The following ERC1 variants were observed in gnomAD, a reference collection of about 807,000 sequenced individuals.
ERC1 encodes the protein RAB6 interacting protein 2.
Under a neutral mutation model 132.0 loss-of-function variants are expected in ERC1, and 56 were observed. The ratio of observed to expected loss-of-function variants is 0.42; its 90% CI spans 0.34 to 0.53. The LOEUF (loss-of-function observed/expected upper bound fraction) is 0.53, where lower values mean the gene tolerates loss of function less well. Among genes scored for constraint, ERC1 ranks in the 20% least tolerant of loss-of-function variants. The pLI, the probability that ERC1 is intolerant of heterozygous loss-of-function variation, is 0.03. For missense variants in ERC1, 1,202 were observed against 1,349.9 expected, an observed-to-expected ratio of 0.89 and a Z score of 1.72; for synonymous variants, 478 against 476.1, an observed-to-expected ratio of 1.00 and a Z score of -0.05.
At chr12:1,002,717 T>C (rs1962642712) in intron 1 of ERC1, among the ~76,000 whole-genome samples, 1 of 152,220 alleles carries the variant, frequency 6.6e-6, no homozygotes, top group Admixed American at 6.5e-5. Context: ...TTAGCCGTTC[T>C]GGTGGATTTG....
intron 17 of ERC1, among the ~76,000 whole-genome samples, chr12:1,442,164 G>T (rs756047662): frequency 1.3e-5 from 2 of 152,190 alleles, no homozygotes; most frequent in African/African-American, 4.8e-5. Context: ...CTGACCTCAC[G>T]TCATCTGCCC....
chr12:1,400,689 C>A (rs1241191640), intron 16 of ERC1, among the ~76,000 whole-genome samples: 8 of 151,978 alleles, frequency 5.3e-5, no homozygotes, highest in African/African-American at 1.7e-4. Context: ...AAAGAGTATT[C>A]TTTCTCCATT....
intron 12 of ERC1, among the ~76,000 whole-genome samples, chr12:1,207,221 T>C (rs1032049661): frequency 6.6e-6 from 1 of 152,178 alleles, no homozygotes; most frequent in Admixed American, 6.5e-5. Flanking sequence ...AAAGGCACTA[T>C]ACTAGTTGCT....
At chr12:1,101,967 G>A (rs1007026587) in intron 3 of ERC1, among the ~76,000 whole-genome samples, 1 of 152,144 alleles carries the variant, frequency 6.6e-6, no homozygotes, top group Non-Finnish European at 1.5e-5. Context: ...TTACTCTGTG[G>A]ATTAGTGAAG....
At chr12:1,007,474 C>G (rs1163345536) in intron 1 of ERC1, among the ~76,000 whole-genome samples, 2 of 150,298 alleles carry the variant, frequency 1.3e-5, no homozygotes, top group African/African-American at 5.0e-5. Flanking sequence ...CTCTCTCTCT[C>G]TCTCTCTCTC....
chr12:1,237,425 G>A (rs1217090121), intron 13 of ERC1, among the ~76,000 whole-genome samples: 1 of 152,048 alleles, frequency 6.6e-6, no homozygotes, highest in East Asian at 1.9e-4. Flanking sequence ...TCACTTCAGT[G>A]GAGTGATAAT....
chr12:1,437,513 G>C (rs1346363754), intron 17 of ERC1, among the ~76,000 whole-genome samples: 1 of 152,198 alleles, frequency 6.6e-6, no homozygotes, highest in Non-Finnish European at 1.5e-5. Context: ...TCCCTTACTA[G>C]TAGGCAAGCC....
chr12:1,418,984 G>C (rs1007262063), intron 17 of ERC1, among the ~76,000 whole-genome samples: 1 of 152,032 alleles, frequency 6.6e-6, no homozygotes, highest in Non-Finnish European at 1.5e-5. Context: ...AAAGTTCTGT[G>C]ATTACAGGCC....
intron 2 of ERC1, among the ~76,000 whole-genome samples, chr12:1,044,903 A>G (rs959625690): frequency 3.3e-5 from 5 of 152,140 alleles, no homozygotes; most frequent in Non-Finnish European, 5.9e-5. Flanking sequence ...TATTTCCACA[A>G]TGACTCATCC....
chr12:1,112,195 G>T lies in ERC1; in HGVS notation c.1318-20G>T. Reference sequence around the variant, plus strand: ...CCTAAGTTGACACATAAGTGAAAAAGAATAATAATGTCGTGACAGGTAGAA... The same window carrying T: ...CCTAAGTTGACACATAAGTGAAAAATAATAATAATGTCGTGACAGGTAGAA... On this transcript the variant is annotated intron_variant, in intron 5 of 18. Coordinates refer to ENST00000360905, the MANE Select transcript of ERC1 (RefSeq NM_178040.4). The T allele has an allele frequency of 1.3e-6, 2 of 1,563,918 alleles. No homozygotes were observed. The highest frequency in any genetic ancestry group is 1.8e-6 in the Non-Finnish European group (2 of 1,138,070).
intron 8 of ERC1, among the ~76,000 whole-genome samples, chr12:1,164,436 G>A (rs939537759): frequency 1.3e-5 from 2 of 151,932 alleles, no homozygotes; most frequent in Admixed American, 6.6e-5. Flanking sequence ...TCTGCCTCCC[G>A]GGTTCACACC....
At chr12:993,993 TG>T (rs1329250749) in intron 1 of ERC1, among the ~76,000 whole-genome samples, 1 of 138,784 alleles carries the variant, frequency 7.2e-6, no homozygotes, top group Non-Finnish European at 1.5e-5. Context: ...TGCTTGAACC[TG>T]GGAGGTGGAG....
chr12:1,201,225 G>A (rs114325815), intron 12 of ERC1, among the ~76,000 whole-genome samples: 4 of 151,954 alleles, frequency 2.6e-5, no homozygotes, highest in African/African-American at 9.7e-5. Context: ...TCTGAAATTG[G>A]GATACACGTA....
intron 13 of ERC1, among the ~76,000 whole-genome samples, chr12:1,244,000 TAA>T (rs2076000775): frequency 6.6e-6 from 1 of 152,182 alleles, no homozygotes; most frequent in Non-Finnish European, 1.5e-5. Context: ...CAGTACCCAG[TAA>T]TATCGCCTAG....
At chr12:1,032,528 C>G (rs1421573419) in intron 2 of ERC1, among the ~76,000 whole-genome samples, 1 of 152,090 alleles carries the variant, frequency 6.6e-6, no homozygotes, top group Admixed American at 6.6e-5. Context: ...TCGTAATGAT[C>G]ATTAACTGTG....
chr12:1,294,478 T>A (rs2079758729), intron 15 of ERC1, among the ~76,000 whole-genome samples: 1 of 152,236 alleles, frequency 6.6e-6, no homozygotes, highest in Non-Finnish European at 1.5e-5. Context: ...TTCAAAATTC[T>A]TTCTCTCTCT....
intron 16 of ERC1, among the ~76,000 whole-genome samples, chr12:1,376,506 G>T (rs1177374271): frequency 6.6e-6 from 1 of 152,204 alleles, no homozygotes; most frequent in African/African-American, 2.4e-5. Context: ...CCACTTGACT[G>T]TCGTGCGCAG....
intron 16 of ERC1, among the ~76,000 whole-genome samples, chr12:1,375,038 CT>C (rs2087725781): frequency 6.6e-6 from 1 of 152,080 alleles, no homozygotes; most frequent in Non-Finnish European, 1.5e-5. Context: ...CAGTGCTCGT[CT>C]TAAGGGAACT....
chr12:1,233,599 A>C (rs1385293930), intron 12 of ERC1, among the ~76,000 whole-genome samples: 1 of 152,122 alleles, frequency 6.6e-6, no homozygotes, highest in East Asian at 1.9e-4. Flanking sequence ...AATTGAATAT[A>C]TTCAAGTCTT....
Sources: gnomAD v4.1 joint callset for allele counts (sites outside exome capture counted in the v4.1 genomes callset) on GRCh38, gnomAD v4.1.1 for gene constraint, MANE v1.5 for transcripts, NCBI Gene and HGNC (gene_info 2026-07-23, HGNC 2026-07-21) for gene names.